BBOF1: variants seen among roughly 807,000 people sequenced by gnomAD.
BBOF1 encodes the protein basal body orientation factor 1, also known as basal body-orientation factor 1.
BBOF1 carries 62 observed loss-of-function variants against 68.0 expected under a neutral mutation model. The ratio of observed to expected loss-of-function variants is 0.91; its 90% CI spans 0.74 to 1.13. The LOEUF is 1.13. Ranked by LOEUF, BBOF1 falls within the 50% of genes most tolerant of loss-of-function variation. BBOF1 has a pLI of 0.00. For synonymous variants in BBOF1, 208 were observed against 198.8 expected, an observed-to-expected ratio of 1.05 and a Z score of -0.39; for missense variants, 534 against 600.1, an observed-to-expected ratio of 0.89 and a Z score of 1.15.
chr14:74,056,196 T>TA (rs1409399316), intron 9 of BBOF1, among the ~76,000 whole-genome samples: 1 of 125,164 alleles, frequency 8.0e-6, no homozygotes, highest in Non-Finnish European at 1.7e-5. Flanking sequence ...AACGCCCGGC[T>TA]AATTTTTTTT....
chr14:74,019,461 G>C lies in BBOF1; in HGVS notation c.-18G>C. 1 of 1,599,686 alleles carries C rather than the reference G, an allele frequency of 6.3e-7. No individual in the cohort carries two copies. Among genetic ancestry groups the C allele is most frequent in the East Asian group, 2.3e-5 (1 of 44,086 alleles). On this transcript the variant is annotated 5_prime_UTR_variant, in exon 1 of 12. Coordinates refer to ENST00000394009, the MANE Select transcript of BBOF1 (RefSeq NM_025057.3). ...GCGGCTGGGCAACTACGACAGCGGA[G>C]CCCCTGGGGAAGCCAAGATGCCGTC...
At chr14:74,044,020 C>T (rs965555075) in intron 5 of BBOF1, among the ~76,000 whole-genome samples, 19 of 151,792 alleles carry the variant, frequency 1.3e-4, no homozygotes, top group African/African-American at 3.6e-4. Flanking sequence ...CCAAGGCCGG[C>T]GGATCACTTG....
intron 3 of BBOF1, 82 bp from the exon 4 acceptor site, chr14:74,033,946 T>C (rs1265213074): frequency 2.1e-6 from 2 of 959,476 alleles, no homozygotes; most frequent in Non-Finnish European, 3.0e-6. Flanking sequence ...GATATGCAAA[T>C]GGCGTAAGGC....
Position 74,046,095 on chromosome 14 carries a change from A to G in BBOF1, c.612A>G (p.Ile204Met), listed in dbSNP as rs867000140. Reference protein sequence around the residue: ...RLEQEAEKKIIMLAERAHHEA... With the variant: ...RLEQEAEKKIMMLAERAHHEA... ...AACAAGAGGCTGAAAAGAAGATAAT[A>G]ATGCTAGCAGAGAGAGCCCACCATG... The change falls in exon 6 of 12, where the codon ATA becomes ATG. Residue 204 changes from isoleucine (I) to methionine (M), a missense_variant. Ile to Met is a conservative substitution (Grantham distance 10). Transcript: ENST00000394009. The G allele has an allele frequency of 2.9e-5, 46 of 1,609,020 alleles. No homozygotes were observed. In the Admixed American group the frequency reaches 3.9e-4, roughly 14 times the overall value.
At chr14:74,046,013 T>G in intron 5 of BBOF1, 47 bp from the exon 6 acceptor site, 3 of 1,513,572 alleles carry the variant, frequency 2.0e-6, no homozygotes, top group Admixed American at 4.3e-5. Flanking sequence ...TGAGTAAAAT[T>G]TGTTGTTAGG....
At chr14:74,051,771 A>C (rs2060072420) in intron 8 of BBOF1, among the ~76,000 whole-genome samples, 1 of 151,722 alleles carries the variant, frequency 6.6e-6, no homozygotes, top group Non-Finnish European at 1.5e-5. Flanking sequence ...CAAAGGCCCT[A>C]ACTCAAGAAA....
In BBOF1 at chr14:74,023,939, A is replaced by AAAAAG. The variant is rs1274934890; in HGVS notation, c.285+810_285+814dup. ...AGACTCCATCTCAAAAAAAAAAAAA[A>AAAAAG]AAAAGAAAAGAAAAGAAAAAGGGAA... On this transcript the variant is annotated intron_variant, in intron 2 of 11. Coordinates refer to ENST00000394009, the MANE Select transcript of BBOF1 (RefSeq NM_025057.3). Among the ~76,000 whole-genome samples the AAAAAG allele has an allele frequency of 1.7e-3, 263 of 151,304 alleles. 2 individuals carry two copies. The highest frequency in any genetic ancestry group is 6.1e-3 in the African/African-American group (253 of 41,172).
chr14:74,068,884 A>G, downstream of BBOF1: 1 of 1,614,054 alleles, frequency 6.2e-7, no homozygotes, highest in Non-Finnish European at 8.5e-7. Flanking sequence ...CCCTCTTGCC[A>G]TGTCTTGATC....
intron 2 of BBOF1, among the ~76,000 whole-genome samples, 161 bp downstream of exon 2, chr14:74,023,305 T>C (rs1388022199): frequency 6.6e-6 from 1 of 152,220 alleles, no homozygotes; most frequent in African/African-American, 2.4e-5. Flanking sequence ...TTTTTCAGAA[T>C]GGTTTTACTG....
intron 2 of BBOF1, among the ~76,000 whole-genome samples, chr14:74,025,198 GT>G (rs1412769194): frequency 6.6e-6 from 1 of 152,146 alleles, no homozygotes; most frequent in Non-Finnish European, 1.5e-5. Flanking sequence ...TAGATGCTTT[GT>G]TTTGTGGCTT....
chr14:74,067,015 A>G, downstream of BBOF1: 1 of 892,572 alleles, frequency 1.1e-6, no homozygotes. Flanking sequence ...CAGGAGTTCC[A>G]GACCAGCCTG....
At chr14:74,067,411 C>T (rs754765165), downstream of BBOF1, 7 of 1,613,842 alleles carry the variant, frequency 4.3e-6, no homozygotes, top group Admixed American at 1.2e-4. Context: ...TGGCATGCTC[C>T]ACCAGCTCTG....
intron 5 of BBOF1, among the ~76,000 whole-genome samples, chr14:74,044,840 G>T (rs1239869439): frequency 6.6e-6 from 1 of 152,052 alleles, no homozygotes; most frequent in Non-Finnish European, 1.5e-5. Context: ...TGAAAGAATC[G>T]ATTGAACCCA....
At position 74,065,441 on chromosome 14, in the gene BBOF1, C is replaced by T; in HGVS notation, c.*742C>T. On this transcript the variant is annotated 3_prime_UTR_variant, in exon 12 of 12. Transcript: ENST00000394009. ...TATGCTTATTTGGTACTTTCACTTA[C>T]TACACATCATTTACGTGGACAACTT... The T allele has an allele frequency of 7.9e-7, 1 of 1,258,236 alleles. No homozygotes were observed. The allele number at this position is 1,258,236 out of a possible 1,614,324, so 77.9% of individuals were successfully genotyped here.
chr14:74,038,989 C>T (rs68031725), intron 4 of BBOF1, among the ~76,000 whole-genome samples: 1 of 152,260 alleles, frequency 6.6e-6, no homozygotes, highest in South Asian at 2.1e-4. Flanking sequence ...TGTTAGATTG[C>T]AGTTATTATT....
chr14:74,026,154 AGAG>A (rs2059420607), intron 2 of BBOF1, among the ~76,000 whole-genome samples: 1 of 136,364 alleles, frequency 7.3e-6, no homozygotes, highest in Admixed American at 7.6e-5. Flanking sequence ...AAAAAAAAAA[AGAG>A]AGAGACTGGG....
Position 74,019,362 on chromosome 14 carries a change from C to G in BBOF1, c.-117C>G. ...ACGGGCGCGTGCGCTCTCCGCGCGC[C>G]GTCAGCGGCGCGGGTGGGGCATTGC... On this transcript the variant is annotated 5_prime_UTR_variant, in exon 1 of 12. Coordinates refer to ENST00000394009, the MANE Select transcript of BBOF1 (RefSeq NM_025057.3). The G allele has an allele frequency of 5.2e-6, 7 of 1,339,224 alleles. No individual in the cohort carries two copies. The highest frequency in any genetic ancestry group is 6.8e-6 in the Non-Finnish European group (7 of 1,032,788). The allele number at this position is 1,339,224 out of a possible 1,614,324, so 83.0% of individuals were successfully genotyped here. A position where few individuals can be genotyped will look rare whatever the true frequency, so the allele number is the denominator to read the frequency against.
downstream of BBOF1, chr14:74,067,593 A>T: frequency 6.2e-7 from 1 of 1,612,748 alleles, no homozygotes; most frequent in Non-Finnish European, 8.5e-7. Flanking sequence ...CAGAAAGCAC[A>T]TGAGTCTTCC....
At chr14:74,063,826 A>G (rs2139753586) in intron 11 of BBOF1, among the ~76,000 whole-genome samples, 1 of 149,430 alleles carries the variant, frequency 6.7e-6, no homozygotes, top group Non-Finnish European at 1.5e-5. Context: ...AGATTGTGCC[A>G]CCGCACCCCA....
Sources: allele counts gnomAD v4.1 joint callset (sites outside exome capture counted in the v4.1 genomes callset), GRCh38; gene constraint gnomAD v4.1.1; transcripts MANE v1.5; gene names NCBI Gene and HGNC (gene_info 2026-07-23, HGNC 2026-07-21).